The following HIVEP1 variants were observed in gnomAD, a reference collection of about 807,000 sequenced individuals.
HIVEP1 encodes HIVEP zinc finger 1.
HIVEP1 carries 36 observed loss-of-function variants against 180.0 expected under a neutral mutation model. The ratio of observed to expected loss-of-function variants is 0.20; its 90% CI spans 0.15 to 0.26. The LOEUF (loss-of-function observed/expected upper bound fraction) is 0.26. Among genes scored for constraint, HIVEP1 ranks in the 10% least tolerant of loss-of-function variants. HIVEP1 has a pLI of 1.00. For synonymous variants in HIVEP1, 1,239 were observed against 1,239.0 expected, an observed-to-expected ratio of 1.00 and a Z score of 0.00; for missense variants, 3,143 against 3,268.7, an observed-to-expected ratio of 0.96 and a Z score of 0.94.
chr6:12,119,912 A>T lies in HIVEP1; in HGVS notation c.117A>T (p.Lys39Asn). 6.4e-7 allele frequency: 1 copy of T among 1,568,748 alleles called. No homozygotes were observed. The highest frequency in any genetic ancestry group is 8.6e-7 in the Non-Finnish European group (1 of 1,164,226). The change falls in exon 4 of 9, where the codon AAA becomes AAT. Residue 39 changes from lysine (K) to asparagine (N), a missense_variant. This residue lies in a region of HIVEP1 where 114 missense variants were observed against 134.5 expected (regional missense o/e 0.85). Transcript: ENST00000379388. ...CAGAAATCTTACAGGCTGGTGTTAA[A>T]GGAACTTCGGAATCCCTTAAAGGTG... ...SKKEILQAGV[K>N]GTSESLKGVK... is the part of the protein sequence containing the mutation.
At chr6:12,018,847 C>CA (rs753125666) in intron 2 of HIVEP1, among the ~76,000 whole-genome samples, 2 of 152,132 alleles carry the variant, frequency 1.3e-5, no homozygotes, top group African/African-American at 2.4e-5. Context: ...GAGAAGGAGA[C>CA]AGAGAGGCAG....
At chr6:12,029,707 C>T (rs911387931) in intron 2 of HIVEP1, among the ~76,000 whole-genome samples, 3 of 152,070 alleles carry the variant, frequency 2.0e-5, no homozygotes, top group African/African-American at 7.2e-5. Context: ...TCTCCAGTAT[C>T]TCCTTTTCTT....
intron 4 of HIVEP1, among the ~76,000 whole-genome samples, chr6:12,127,751 T>C (rs971338184): frequency 6.6e-6 from 1 of 152,144 alleles, no homozygotes; most frequent in Non-Finnish European, 1.5e-5. Flanking sequence ...AAGAGTTTGA[T>C]CATAGAGGAA....
intron 2 of HIVEP1, among the ~76,000 whole-genome samples, chr6:12,069,981 G>C (rs912409407): frequency 1.3e-5 from 2 of 151,430 alleles, no homozygotes; most frequent in African/African-American, 4.9e-5. Flanking sequence ...ACACACATTA[G>C]CCTAGCCCTG....
chr6:12,051,016 A>ATATATATATATATATATG (rs1337110740), intron 2 of HIVEP1, among the ~76,000 whole-genome samples: 3 of 135,840 alleles, frequency 2.2e-5, no homozygotes, highest in Admixed American at 7.4e-5. Flanking sequence ...ATATATATAT[A>ATATATATATATATATATG]TATATATATA....
In HIVEP1 at chr6:12,129,840, G is replaced by A. The variant is rs765709834; in HGVS notation, c.6157G>A (p.Glu2053Lys). ...ASEINSEQDK[E>K]NSLIKSEPRR... is the part of the protein sequence containing the mutation. ...TGAAATTAACAGTGAGCAAGATAAAGAAAATTCCTTAATCAAAAGTGAACC... is the reference window on the plus strand; with the variant it reads ...TGAAATTAACAGTGAGCAAGATAAAAAAAATTCCTTAATCAAAAGTGAACC... Residue 2053 changes from glutamate (E) to lysine (K), a missense_variant, in exon 5 of 9, where the codon GAA (glutamate) becomes AAA (lysine). Coordinates refer to ENST00000379388, the MANE Select transcript of HIVEP1 (RefSeq NM_002114.4). 5.8e-5 allele frequency: 92 copies of A among 1,583,140 alleles called. No homozygotes were observed. Among genetic ancestry groups the A allele is most frequent in the Non-Finnish European group, 7.8e-5 (90 of 1,152,770 alleles).
At chr6:12,015,334 T>G (rs758600840) in intron 1 of HIVEP1, among the ~76,000 whole-genome samples, 192 bp from the exon 2 acceptor site, 1 of 152,230 alleles carries the variant, frequency 6.6e-6, no homozygotes, top group Non-Finnish European at 1.5e-5. Flanking sequence ...TTTTTTCTGT[T>G]TTCTTAATGA....
At chr6:12,200,083 GA>G in the HIVEP1 span, among the ~76,000 whole-genome samples, 1 of 152,162 alleles carries the variant, frequency 6.6e-6, no homozygotes, top group Non-Finnish European at 1.5e-5. Context: ...AACTGAGATA[GA>G]AGGCAGGACT....
At chr6:12,128,162 T>C (rs1343639749) in intron 4 of HIVEP1, among the ~76,000 whole-genome samples, 1 of 152,222 alleles carries the variant, frequency 6.6e-6, no homozygotes, top group Non-Finnish European at 1.5e-5. Context: ...GAATTTGATA[T>C]TGAAAATAAA....
At chr6:12,084,473 C>G (rs930783085) in intron 2 of HIVEP1, among the ~76,000 whole-genome samples, 5 of 152,098 alleles carry the variant, frequency 3.3e-5, no homozygotes, top group African/African-American at 1.2e-4. Context: ...TAGGAATAAT[C>G]TTCACTTACA....
At chr6:12,020,228 T>C in intron 2 of HIVEP1, 2 of 446,044 alleles carry the variant, frequency 4.5e-6, no homozygotes, top group Non-Finnish European at 9.4e-6. Flanking sequence ...CAGTTCTCCA[T>C]GCCTGTTTCC....
chr6:12,165,549 T>A (rs1170089060), downstream of HIVEP1, among the ~76,000 whole-genome samples: 1 of 152,226 alleles, frequency 6.6e-6, no homozygotes, highest in African/African-American at 2.4e-5. Flanking sequence ...GACATTACTA[T>A]TTCCTGTCCT....
rs1044627156 is a variant in HIVEP1 at position 12,013,717 on chromosome 6, A to G, written c.-104+1151A>G. Among the ~76,000 whole-genome samples the G allele has an allele frequency of 1.1e-4, 16 of 152,226 alleles. 1 individual carries two copies. Among genetic ancestry groups the G allele is most frequent in the African/African-American group, 3.6e-4 (15 of 41,458 alleles). On this transcript the variant is annotated intron_variant, in intron 1 of 8. Coordinates refer to ENST00000379388, the MANE Select transcript of HIVEP1 (RefSeq NM_002114.4). ...TGTCTCAATTCTTTATTGAATCAGA[A>G]CCTTCCTGAATTAGATAGTGGATGT...
chr6:12,011,977 C>G (rs1452239569), upstream of HIVEP1: 1 of 146,512 alleles, frequency 6.8e-6, no homozygotes. Context: ...CGCCCTGCCT[C>G]CCCCGCGCCG....
intron 3 of HIVEP1, among the ~76,000 whole-genome samples, chr6:12,118,060 A>G (rs894742507): frequency 3.9e-5 from 6 of 152,144 alleles, no homozygotes; most frequent in African/African-American, 1.4e-4. Context: ...TGTTTGTTCA[A>G]CATTTTGTAA....
chr6:12,167,711 G>GTGTATAATATATA (rs1562023856), downstream of HIVEP1, among the ~76,000 whole-genome samples: 18 of 49,516 alleles, frequency 3.6e-4, no homozygotes, highest in African/African-American at 1.4e-3. Flanking sequence ...ATACATATAT[G>GTGTATAATATATA]CATAATATAT....
rs375778895 is a variant in HIVEP1, at chr6:12,164,030, A to G, written c.7726A>G (p.Ser2576Gly). 2.8e-4 allele frequency: 453 copies of G among 1,614,056 alleles called. No homozygotes were observed. The highest frequency in any genetic ancestry group is 3.6e-4 in the Non-Finnish European group (421 of 1,180,050). ...QGAPEMPASQ[S>G]KACETQPKQT... ...AGCTCCAGAAATGCCAGCTTCCCAA[A>G]GCAAAGCATGCGAGACACAACCCAA... The change falls in exon 9 of 9, where the codon AGC (serine) becomes GGC (glycine). Residue 2576 changes from serine to glycine, a missense_variant. Physicochemically the swap from Ser to Gly is moderately conservative, Grantham distance 56. Transcript: ENST00000379388.
intron 2 of HIVEP1, among the ~76,000 whole-genome samples, chr6:12,087,262 C>T (rs569435080): frequency 6.6e-6 from 1 of 152,160 alleles, no homozygotes; most frequent in Admixed American, 6.6e-5. Context: ...TGTTGAAGTG[C>T]AAACAGAAAG....
chr6:12,013,056 G>C (rs926335223), intron 1 of HIVEP1, among the ~76,000 whole-genome samples: 1 of 152,120 alleles, frequency 6.6e-6, no homozygotes, highest in Admixed American at 6.5e-5. Flanking sequence ...GGTCGGGCTC[G>C]GGAAGGAGTT....
Sources: gnomAD v4.1 joint callset for allele counts (sites outside exome capture counted in the v4.1 genomes callset) on GRCh38, gnomAD v4.1.1 for gene constraint, gnomAD v4.1.1 regional missense constraint, MANE v1.5 for transcripts, NCBI Gene and HGNC (gene_info 2026-07-23, HGNC 2026-07-21) for gene names.